Variants in NCALD observed in about 807,000 individuals in gnomAD.
The protein encoded by NCALD is neurocalcin delta.
NCALD carries 10 observed loss-of-function variants against 18.6 expected under a neutral mutation model. The observed-to-expected ratio is 0.54, with a 90% CI of 0.33 to 0.91. NCALD has a LOEUF of 0.91. Ranked by LOEUF, NCALD falls within the 40% of genes least tolerant of loss-of-function variation. NCALD has a pLI of 0.03. For synonymous variants in NCALD, 88 were observed against 87.4 expected, an observed-to-expected ratio of 1.01 and a Z score of -0.04; for missense variants, 184 against 247.6, an observed-to-expected ratio of 0.74 and a Z score of 1.72.
In NCALD at chr8:101,876,267, G is replaced by A. The variant is rs536349424; in HGVS notation, c.-20+10874C>T. Among the ~76,000 whole-genome samples, 5 of 152,330 alleles carry A rather than the reference G, an allele frequency of 3.3e-5. No homozygotes were observed. In the South Asian group the frequency reaches 8.3e-4, roughly 25 times the overall value. On this transcript the variant is annotated intron_variant, in intron 4 of 6. Transcript: ENST00000311028. Reference sequence around the variant, plus strand: ...CTCATTCTCCAACACACAGGGTGAAGCATAAATGACAAGGCAGTGCTAGCA... The same window carrying A: ...CTCATTCTCCAACACACAGGGTGAAACATAAATGACAAGGCAGTGCTAGCA...
At chr8:102,096,893 A>G (rs1035360719) in intron 1 of NCALD, among the ~76,000 whole-genome samples, 3 of 152,254 alleles carry the variant, frequency 2.0e-5, no homozygotes, top group African/African-American at 7.2e-5. Context: ...CAAAATGCCA[A>G]GAACCTGGAC....
chr8:101,924,708 C>A (rs1254886068), intron 2 of NCALD, among the ~76,000 whole-genome samples: 1 of 152,210 alleles, frequency 6.6e-6, no homozygotes, highest in Non-Finnish European at 1.5e-5. Context: ...AACCAGAGAT[C>A]TTGCTAAGAT....
Position 101,902,275 on chromosome 8 carries a change from T to A in NCALD, c.-107+13534A>T, listed in dbSNP as rs867383566. 2.1e-3 allele frequency among the ~76,000 whole-genome samples: 218 copies of A among 104,732 alleles called. 5 individuals are homozygous for A. The South Asian group carries it at 0.026, about 13-fold the overall frequency. 68.7% of individuals were successfully genotyped at this position (104,732 alleles called of 152,430 possible). A position where few individuals can be genotyped will look rare whatever the true frequency, so the allele number is the denominator to read the frequency against. ...CTCATGTTAGCCCATCCACTGAGTT[T>A]TTTTTTTTTTTTTTTTAACTTCATT... On this transcript the variant is annotated intron_variant, in intron 3 of 6. Coordinates refer to the NCALD transcript ENST00000311028.
chr8:101,967,756 G>C (rs529302455), intron 2 of NCALD, among the ~76,000 whole-genome samples: 3 of 151,960 alleles, frequency 2.0e-5, no homozygotes, highest in Admixed American at 6.6e-5. Flanking sequence ...CTTCTCTCCC[G>C]GCCTCACTCT....
chr8:101,774,752 C>T (rs1043784774), intron 1 of NCALD, among the ~76,000 whole-genome samples: 1 of 152,192 alleles, frequency 6.6e-6, no homozygotes, highest in African/African-American at 2.4e-5. Flanking sequence ...TCTCCGCTTC[C>T]ACATTCCCAC....
chr8:101,772,924 C>T (rs1811643724), intron 1 of NCALD, among the ~76,000 whole-genome samples: 1 of 152,118 alleles, frequency 6.6e-6, no homozygotes, highest in Non-Finnish European at 1.5e-5. Flanking sequence ...CCAGTGACCC[C>T]AGAAAGGGGT....
At chr8:101,806,359 ACTAT>A (rs527850175) in intron 4 of NCALD, among the ~76,000 whole-genome samples, 41 of 152,256 alleles carry the variant, frequency 2.7e-4, no homozygotes, top group East Asian at 2.1e-3. Context: ...AGAGAAAGAA[ACTAT>A]CTGTGAGATG....
chr8:102,033,628 G>A (rs1176502407), intron 1 of NCALD, among the ~76,000 whole-genome samples: 2 of 152,104 alleles, frequency 1.3e-5, no homozygotes, highest in Non-Finnish European at 2.9e-5. Context: ...TTAAGCCATT[G>A]TACAAACAAA....
chr8:101,712,722 G>C (rs921333527), intron 2 of NCALD, among the ~76,000 whole-genome samples: 2 of 151,588 alleles, frequency 1.3e-5, no homozygotes, highest in African/African-American at 4.9e-5. Flanking sequence ...GCAACAAGAA[G>C]AGCTAGCTAT....
chr8:102,057,257 TACACACACAC>T (rs3085988), intron 1 of NCALD, among the ~76,000 whole-genome samples: 13 of 147,658 alleles, frequency 8.8e-5, no homozygotes, highest in African/African-American at 2.8e-4. Context: ...GGCTAGTTCA[TACACACACAC>T]ACACACACAC....
At position 101,912,857 on chromosome 8, in the gene NCALD, A is replaced by T. The variant is rs555167968; in HGVS notation, c.-107+2952T>A. On this transcript the variant is annotated intron_variant, in intron 3 of 6. Transcript: ENST00000311028. ...CTTCATTGAATATTTCACTACCTTG[A>T]TGTCTTAGCAGGCTGCAATGGGAGT... is the stretch of plus-strand genomic sequence containing the variant. 2.2e-4 allele frequency among the ~76,000 whole-genome samples: 33 copies of T among 152,328 alleles called. 1 individual carries two copies. In the South Asian group the frequency reaches 6.2e-3, roughly 29 times the overall value.
intron 2 of NCALD, among the ~76,000 whole-genome samples, chr8:102,001,784 T>C (rs181889440): frequency 0.044 from 6,722 of 152,234 alleles, 464 homozygotes; most frequent in African/African-American, 0.14. Context: ...CTAAGCTTCA[T>C]AAGTGAAGGA....
intron 1 of NCALD, among the ~76,000 whole-genome samples, chr8:102,115,684 T>A (rs902397411): frequency 3.3e-5 from 5 of 152,136 alleles, no homozygotes; most frequent in African/African-American, 1.2e-4. Flanking sequence ...ACAAACAATA[T>A]TTGTAGTGGA....
At chr8:101,790,635 A>G (rs1812408777) in intron 1 of NCALD, among the ~76,000 whole-genome samples, 1 of 152,176 alleles carries the variant, frequency 6.6e-6, no homozygotes, top group African/African-American at 2.4e-5. Flanking sequence ...GCAAGTGTTG[A>G]GCAAGCAAGA....
chr8:102,087,902 CCTCT>C (rs3085983), intron 1 of NCALD, among the ~76,000 whole-genome samples: 166 of 147,960 alleles, frequency 1.1e-3, no homozygotes, highest in Middle Eastern at 6.8e-3. Context: ...GCAATGCTTT[CCTCT>C]CTCTCTCTCT....
At chr8:101,887,221 CT>C (rs1199118781) in exon 4 of NCALD, 1 of 152,064 alleles carries the variant, frequency 6.6e-6, no homozygotes, top group Admixed American at 6.6e-5. Context: ...GATCAGATGC[CT>C]TGCAACTGAG....
chr8:101,770,868 T>A (rs1811559040), intron 1 of NCALD, among the ~76,000 whole-genome samples: 1 of 152,176 alleles, frequency 6.6e-6, no homozygotes, highest in Non-Finnish European at 1.5e-5. Flanking sequence ...ATAGATAAAA[T>A]CTTTAGGCCG....
intron 2 of NCALD, among the ~76,000 whole-genome samples, chr8:101,958,682 G>A (rs1819726298): frequency 6.6e-6 from 1 of 152,058 alleles, no homozygotes; most frequent in Non-Finnish European, 1.5e-5. Context: ...AGAGAAAACT[G>A]AGGACAAGGA....
intron 4 of NCALD, chr8:101,847,233 TTC>T: frequency 4.8e-6 from 1 of 208,674 alleles, no homozygotes; most frequent in Non-Finnish European, 1.0e-5. Flanking sequence ...TCCCTTCTTC[TTC>T]TTTTTTTTTT....
Sources: gnomAD v4.1 joint callset for allele counts (sites outside exome capture counted in the v4.1 genomes callset) on GRCh38, gnomAD v4.1.1 for gene constraint, MANE v1.5 for transcripts, NCBI Gene and HGNC (gene_info 2026-07-23, HGNC 2026-07-21) for gene names.